The following PNPLA1 variants were observed in gnomAD, a reference collection of about 807,000 sequenced individuals.
PNPLA1 encodes the protein omega-hydroxyceramide transacylase.
PNPLA1 carries 36 observed loss-of-function variants against 51.7 expected under a neutral mutation model. The observed-to-expected ratio is 0.70, with a 90% confidence interval of 0.53 to 0.92. PNPLA1 has a LOEUF of 0.92. Among genes scored for constraint, PNPLA1 ranks in the 40% least tolerant of loss-of-function variants. The pLI is 0.00. For synonymous variants in PNPLA1, 293 were observed against 280.1 expected, an observed-to-expected ratio of 1.05 and a Z score of -0.46; for missense variants, 658 against 682.5, an observed-to-expected ratio of 0.96 and a Z score of 0.40.
Position 36,294,140 on chromosome 6 carries a change from G to T in PNPLA1, c.505-50G>T, listed in dbSNP as rs1274435001. 1 of 1,603,634 alleles carries T rather than the reference G, an allele frequency of 6.2e-7. No homozygotes were observed. Reference sequence around the variant, plus strand: ...GGGCCATTTCGATGTACCCCGAGTGGGGCTGAGAACTCTGGCCCCAAGTGG... The same window carrying T: ...GGGCCATTTCGATGTACCCCGAGTGTGGCTGAGAACTCTGGCCCCAAGTGG... On this transcript the variant is annotated intron_variant, in intron 3 of 8. Transcript: ENST00000636260. The surrounding 1 kb of genome is among the most constrained non-coding windows in gnomAD (Gnocchi z 4.2).
intron 1 of PNPLA1, among the ~76,000 whole-genome samples, chr6:36,271,881 C>T (rs1769927957): frequency 6.6e-6 from 1 of 152,198 alleles, no homozygotes; most frequent in African/African-American, 2.4e-5. Flanking sequence ...GATCCCAGCT[C>T]TGCCATTTCA....
intron 7 of PNPLA1, 33 bp downstream of exon 7, chr6:36,306,409 C>T: frequency 1.3e-6 from 2 of 1,571,688 alleles, no homozygotes; most frequent in Non-Finnish European, 1.7e-6. Flanking sequence ...ACGCTCTTTC[C>T]TTTGGACGGA....
At chr6:36,262,915 A>T (rs989095755) in intron 1 of PNPLA1, among the ~76,000 whole-genome samples, 16 of 152,228 alleles carry the variant, frequency 1.1e-4, no homozygotes. Flanking sequence ...TGCTGTATTT[A>T]AAAATTCTTT....
At chr6:36,298,277 T>C (rs556796388) in intron 5 of PNPLA1, among the ~76,000 whole-genome samples, 1 of 152,346 alleles carries the variant, frequency 6.6e-6, no homozygotes, top group African/African-American at 2.4e-5. Flanking sequence ...AGATTTGGGC[T>C]ATTATGGATA....
rs977397938 is a variant in PNPLA1, at chr6:36,270,305, T to C, written c.-155T>C. Among the ~76,000 whole-genome samples, 17 of 152,306 alleles carry C rather than the reference T, an allele frequency of 1.1e-4. No homozygotes were observed. Among genetic ancestry groups the C allele is most frequent in the African/African-American group, 4.1e-4 (17 of 41,572 alleles). On this transcript the variant is annotated 5_prime_UTR_variant, in exon 1 of 9. Transcript: ENST00000636260. ...CTGAGGCAGCTTCCTGAGCAGCCTG[T>C]GGTTGCTCCAGCCGGGTAGAGACAG...
chr6:36,304,416 A>C (rs948494098), intron 6 of PNPLA1, among the ~76,000 whole-genome samples: 40 of 152,270 alleles, frequency 2.6e-4, no homozygotes, highest in African/African-American at 7.9e-4. Context: ...ACTTTCAGTC[A>C]GGAGTTCGAG....
At chr6:36,295,508 T>A in intron 5 of PNPLA1, 84 bp downstream of exon 5, 1 of 1,411,486 alleles carries the variant, frequency 7.1e-7, no homozygotes. Flanking sequence ...TGGAGGGGTA[T>A]TCCCCCCAGA....
chr6:36,261,590 A>C (rs1233454087), intron 1 of PNPLA1, among the ~76,000 whole-genome samples: 1 of 152,258 alleles, frequency 6.6e-6, no homozygotes, highest in East Asian at 1.9e-4. Flanking sequence ...ATCTTCGTGC[A>C]CTGACCATAT....
Position 36,313,455 on chromosome 6 carries a change from C to T in PNPLA1, c.*1569C>T, listed in dbSNP as rs948993082. Among the ~76,000 whole-genome samples the T allele has an allele frequency of 6.6e-6, 1 of 152,180 alleles. No individual in the cohort carries two copies. The highest frequency in any genetic ancestry group is 2.4e-5 in the African/African-American group (1 of 41,440). ...GGGTGGAGGACCATACTAAACTGCCCTTTGGAGCCTGAGGAGACCATATGC... is the reference window on the plus strand; with the variant it reads ...GGGTGGAGGACCATACTAAACTGCCTTTTGGAGCCTGAGGAGACCATATGC... On this transcript the variant is annotated 3_prime_UTR_variant, in exon 9 of 9. Coordinates refer to ENST00000636260, the MANE Select transcript of PNPLA1 (RefSeq NM_001374623.1).
intron 1 of PNPLA1, among the ~76,000 whole-genome samples, chr6:36,282,365 A>G (rs922668893): frequency 1.3e-5 from 2 of 152,244 alleles, no homozygotes; most frequent in Non-Finnish European, 2.9e-5. Context: ...TCCCACTACC[A>G]TGTTGGAACC....
upstream of PNPLA1, among the ~76,000 whole-genome samples, chr6:36,268,579 C>G (rs1052743460): frequency 2.6e-5 from 4 of 152,188 alleles, no homozygotes; most frequent in Admixed American, 1.3e-4. Context: ...TCCCGCAGCC[C>G]ACACCTCCGC....
Position 36,301,952 on chromosome 6 carries a change from C to T in PNPLA1, c.867C>T (p.Cys289=), listed in dbSNP as rs1771064429. Residue 289 remains cysteine (C), a synonymous_variant, in exon 6 of 9, where the codon TGC becomes TGT. Coordinates refer to ENST00000636260, the MANE Select transcript of PNPLA1 (RefSeq NM_001374623.1). The part of the protein sequence containing the change: ...CQIELALGNE[C]PERSQPSLRA... ...TAGAACTCGCCCTTGGCAATGAGTG[C>T]CCTGAACGCAGTCAACCAAGCCTTC... is the stretch of plus-strand genomic sequence containing the variant. 4 of 1,614,198 alleles carry T rather than the reference C, an allele frequency of 2.5e-6. No homozygotes were observed. In the Admixed American group the frequency reaches 5.0e-5, roughly 20 times the overall value.
At chr6:36,311,256 C>T (rs928516477) in intron 8 of PNPLA1, among the ~76,000 whole-genome samples, 6 of 152,192 alleles carry the variant, frequency 3.9e-5, no homozygotes, top group Non-Finnish European at 8.8e-5. Context: ...GCTTGGGGAT[C>T]TCAGGGAACC....
In PNPLA1 at chr6:36,284,722, G is replaced by A. The variant is rs545055126; in HGVS notation, c.206-6598G>A. Among the ~76,000 whole-genome samples the A allele has an allele frequency of 5.9e-5, 9 of 152,246 alleles. No individual in the cohort carries two copies. The South Asian group carries it at 1.7e-3, about 28-fold the overall frequency. On this transcript the variant is annotated intron_variant, in intron 1 of 8. Coordinates refer to ENST00000636260, the MANE Select transcript of PNPLA1 (RefSeq NM_001374623.1). ...GATCCCAGAATCTTAGGAGTCTCAG[G>A]GCAGTGTTTTGGGGGCTACCTTCCT...
intron 8 of PNPLA1, among the ~76,000 whole-genome samples, chr6:36,308,859 T>G (rs777335143): frequency 5.9e-5 from 9 of 152,104 alleles, no homozygotes; most frequent in Non-Finnish European, 1.2e-4. Context: ...GCCAGGCATG[T>G]TGACATGTGC....
chr6:36,252,367 C>T (rs1336397407), intron 1 of PNPLA1, among the ~76,000 whole-genome samples: 1 of 152,100 alleles, frequency 6.6e-6, no homozygotes, highest in Non-Finnish European at 1.5e-5. Context: ...CTAACAGAGA[C>T]AGCATGGATT....
At chr6:36,296,201 T>G (rs1770853169) in intron 5 of PNPLA1, among the ~76,000 whole-genome samples, 1 of 152,154 alleles carries the variant, frequency 6.6e-6, no homozygotes, top group Admixed American at 6.5e-5. Flanking sequence ...CCCCAGCTAC[T>G]TGAGATCAAG....
intron 1 of PNPLA1, among the ~76,000 whole-genome samples, chr6:36,246,863 G>T (rs761057622): frequency 6.6e-6 from 1 of 152,148 alleles, no homozygotes; most frequent in Non-Finnish European, 1.5e-5. Context: ...CTTCCCACAC[G>T]TAAAATTACA....
At chr6:36,300,178 T>A (rs57881481) in intron 5 of PNPLA1, among the ~76,000 whole-genome samples, 6,967 of 98,010 alleles carry the variant, frequency 0.071, 428 homozygotes, top group African/African-American at 0.14. Flanking sequence ...TGTGTGTGTG[T>A]GAGAGAGAGA....
Sources: allele counts gnomAD v4.1 joint callset (sites outside exome capture counted in the v4.1 genomes callset), GRCh38; gene constraint gnomAD v4.1.1; non-coding constraint Gnocchi (gnomAD v3.1); transcripts MANE v1.5; gene names NCBI Gene and HGNC (gene_info 2026-07-23, HGNC 2026-07-21).